The following ADAMTS9 variants were observed in gnomAD, a reference collection of about 807,000 sequenced individuals.
The protein encoded by ADAMTS9 is ADAM metallopeptidase with thrombospondin type 1 motif 9, also known as A disintegrin and metalloproteinase with thrombospondin motifs 9.
ADAMTS9 carries 107 observed loss-of-function variants against 257.1 expected under a neutral mutation model. The ratio of observed to expected loss-of-function variants is 0.42; its 90% CI spans 0.36 to 0.49. The LOEUF (loss-of-function observed/expected upper bound fraction) is 0.49. Among genes scored for constraint, ADAMTS9 ranks in the 20% least tolerant of loss-of-function variants. The probability of loss-of-function intolerance (pLI) is 0.03; values close to 1 mark genes in which losing one functional copy is unlikely to be tolerated. For synonymous variants in ADAMTS9, 982 were observed against 880.9 expected (o/e 1.11, Z -2.03); for missense variants, 2,353 against 2,469.1 (o/e 0.95, Z 1.00).
rs1701061432 is a variant in ADAMTS9, at chr3:64,656,043, A to G, written c.970-168T>C. The G allele has an allele frequency of 7.7e-6, 4 of 521,754 alleles. No homozygotes were observed. The South Asian group carries it at 9.8e-5, about 13-fold the overall frequency. The allele number at this position is 521,754 out of a possible 1,614,324, so 32.3% of individuals were successfully genotyped here. ...ACAACACTTTTTGTAAAGTCTCTTC[A>G]TAAAATTCATAGATCACAGTTTTAG... On this transcript the variant is annotated intron_variant, in intron 4 of 39. Coordinates refer to ENST00000498707, the MANE Select transcript of ADAMTS9 (RefSeq NM_182920.2).
chr3:64,604,576 C>T (rs1372815279), intron 23 of ADAMTS9, among the ~76,000 whole-genome samples: 4 of 151,980 alleles, frequency 2.6e-5, no homozygotes. Flanking sequence ...TTTTTAAAGC[C>T]ATATTTATTC....
At position 64,584,439 on chromosome 3, in the gene ADAMTS9, AT is replaced by A. The variant is rs1276947990; in HGVS notation, c.4356+9818del. Among the ~76,000 whole-genome samples the A allele has an allele frequency of 1.2e-4, 18 of 152,130 alleles. No homozygotes were observed. In the East Asian group the frequency reaches 3.5e-3, roughly 29 times the overall value. On this transcript the variant is annotated intron_variant, in intron 28 of 39. Transcript: ENST00000498707. ...AAAGGCCAATAAAAAAGTAGGAAAG[AT>A]TCTGTTTCTGCTGAGCTCTGCCACA...
rs778560777 is a variant in ADAMTS9 at position 64,541,434 on chromosome 3, C to G, written c.5293-20G>C. On this transcript the variant is annotated intron_variant, in intron 34 of 39. Transcript: ENST00000498707. ...GAATATCTGAAAGACCATAAATAAC[C>G]CATGAAGAGTGGCTCAGAAATGAGG... 6.9e-5 allele frequency: 112 copies of G among 1,612,948 alleles called. No individual in the cohort carries two copies. In the South Asian group the frequency reaches 1.1e-3, roughly 15 times the overall value.
At chr3:64,528,699 G>A (rs548481069) in intron 38 of ADAMTS9, among the ~76,000 whole-genome samples, 1 of 152,248 alleles carries the variant, frequency 6.6e-6, no homozygotes, top group South Asian at 2.1e-4. Flanking sequence ...GCAAACCTCA[G>A]GGCTATGAAA....
At chr3:64,558,935 G>A (rs572600184) in intron 30 of ADAMTS9, among the ~76,000 whole-genome samples, 12 of 152,270 alleles carry the variant, frequency 7.9e-5, no homozygotes, top group African/African-American at 2.6e-4. Context: ...GGAAACGTGT[G>A]CCTGCATCAG....
chr3:64,519,695 C>T (rs1326467569), intron 39 of ADAMTS9, among the ~76,000 whole-genome samples: 2 of 152,014 alleles, frequency 1.3e-5, no homozygotes, highest in Admixed American at 6.6e-5. Flanking sequence ...AAAACAAAAA[C>T]AATATGACCA....
At chr3:64,607,929 A>T (rs954560034) in intron 22 of ADAMTS9, among the ~76,000 whole-genome samples, 3 of 152,176 alleles carry the variant, frequency 2.0e-5, no homozygotes, top group African/African-American at 7.2e-5. Context: ...TAAAAGAATG[A>T]GATCCCACAA....
At chr3:64,616,692 C>G (rs1257171121) in intron 19 of ADAMTS9, among the ~76,000 whole-genome samples, 1 of 151,858 alleles carries the variant, frequency 6.6e-6, no homozygotes, top group African/African-American at 2.4e-5. Context: ...TTTTAATACC[C>G]TAGGAATATG....
chr3:64,603,118 C>T (rs2084495646), intron 25 of ADAMTS9, among the ~76,000 whole-genome samples: 1 of 152,150 alleles, frequency 6.6e-6, no homozygotes, highest in Admixed American at 6.5e-5. Flanking sequence ...ATAATCCTCA[C>T]AACAGCCCTG....
chr3:64,661,903 GT>G (rs1327220643), intron 3 of ADAMTS9, among the ~76,000 whole-genome samples: 1 of 151,772 alleles, frequency 6.6e-6, no homozygotes, highest in Non-Finnish European at 1.5e-5. Flanking sequence ...GTCTCTATTA[GT>G]TTTCTATTTC....
rs1328271758 is a variant in ADAMTS9 at position 64,561,810 on chromosome 3, G to A, written c.4525-59C>T. On this transcript the variant is annotated intron_variant, in intron 29 of 39. Coordinates refer to ENST00000498707, the MANE Select transcript of ADAMTS9 (RefSeq NM_182920.2). ...GCTCATTTATTTTTTGGGGGGGCGGGGGGTGTCGAGGGTCACAGAGGAGGG... is the reference window on the plus strand; with the variant it reads ...GCTCATTTATTTTTTGGGGGGGCGGAGGGTGTCGAGGGTCACAGAGGAGGG... 2.5e-6 allele frequency: 3 copies of A among 1,193,784 alleles called. 1 individual carries two copies. Among genetic ancestry groups the A allele is most frequent in the Non-Finnish European group, 3.6e-6 (3 of 843,914 alleles). The allele number at this position is 1,193,784 out of a possible 1,614,324, so 73.9% of individuals were successfully genotyped here. A position where few individuals can be genotyped will look rare whatever the true frequency, so the allele number is the denominator to read the frequency against.
At chr3:64,632,009 G>T in intron 14 of ADAMTS9, 84 bp from the exon 15 acceptor site, 1 of 1,065,274 alleles carries the variant, frequency 9.4e-7, no homozygotes, top group Non-Finnish European at 1.4e-6. Flanking sequence ...TTAATCGTGT[G>T]CACTAAAAAT....
At chr3:64,643,341 A>G (rs1700704630) in intron 11 of ADAMTS9, among the ~76,000 whole-genome samples, 2 of 152,160 alleles carry the variant, frequency 1.3e-5, no homozygotes, top group Admixed American at 1.3e-4. Context: ...TTCTAAAGTC[A>G]CATAAAAAAC....
rs775476758 is a variant in ADAMTS9, at chr3:64,533,169, C to T, written c.5715G>A (p.Ser1905=). The T allele has an allele frequency of 6.2e-6, 10 of 1,612,464 alleles. No individual in the cohort carries two copies. The highest frequency in any genetic ancestry group is 3.3e-5 in the Admixed American group (2 of 59,984). Residue 1905 remains serine, a synonymous_variant, in exon 38 of 40, where the codon TCG becomes TCA. Transcript: ENST00000498707. ...CAACCCATCTGTAGAACCTTACCGG[C>T]GACTTCTTGATGTCAGAGACAGCAT... is the stretch of plus-strand genomic sequence containing the variant. ...GNYAVSDIKK[S]PDGTRVVGKC... is the part of the protein sequence containing the mutation.
At chr3:64,677,716 C>T (rs950410493) in intron 3 of ADAMTS9, among the ~76,000 whole-genome samples, 2 of 152,154 alleles carry the variant, frequency 1.3e-5, no homozygotes, top group Non-Finnish European at 2.9e-5. Flanking sequence ...TTAGCCCTAA[C>T]TTCAATCTTG....
intron 37 of ADAMTS9, among the ~76,000 whole-genome samples, chr3:64,536,721 T>C (rs767615060): frequency 6.6e-6 from 1 of 152,158 alleles, no homozygotes; most frequent in Non-Finnish European, 1.5e-5. Context: ...AAATGCTACA[T>C]TGAGTAGACA....
chr3:64,622,251 T>C lies in ADAMTS9; in HGVS notation c.2633A>G (p.Gln878Arg). 1 of 1,614,044 alleles carries C rather than the reference T, an allele frequency of 6.2e-7. No homozygotes were observed. Among genetic ancestry groups the C allele is most frequent in the East Asian group, 2.2e-5 (1 of 44,856 alleles). The change falls in exon 18 of 40, where the codon CAG (glutamine) becomes CGG (arginine). Residue 878 changes from glutamine (Q) to arginine (R), a missense_variant. Physicochemically the swap from Gln to Arg is conservative, Grantham distance 43. Transcript: ENST00000498707. ...TGGCCCATGACTGTTCCAGTAAAAC[T>C]GCTGAGGTTTATCTTCAATTGGAAT... is the stretch of plus-strand genomic sequence containing the variant. Reference protein sequence around the residue: ...FNIPIEDKPQQFYWNSHGPWQ... With the variant: ...FNIPIEDKPQRFYWNSHGPWQ...
At chr3:64,563,476 C>A (rs966294502) in intron 29 of ADAMTS9, among the ~76,000 whole-genome samples, 1 of 140,574 alleles carries the variant, frequency 7.1e-6, no homozygotes. Flanking sequence ...GTTTTAATAA[C>A]CTAAAGAAAA....
At chr3:64,603,806 T>C in intron 25 of ADAMTS9, 116 bp downstream of exon 25, 1 of 1,190,600 alleles carries the variant, frequency 8.4e-7, no homozygotes, top group Non-Finnish European at 1.2e-6. Context: ...ATAAGACAAA[T>C]CCAGCTCTGA....
Sources: gnomAD v4.1 joint callset for allele counts (sites outside exome capture counted in the v4.1 genomes callset) on GRCh38, gnomAD v4.1.1 for gene constraint, MANE v1.5 for transcripts, NCBI Gene and HGNC (gene_info 2026-07-23, HGNC 2026-07-21) for gene names.